The following VAV3 variants were observed in gnomAD, a reference collection of about 807,000 sequenced individuals.
VAV3 encodes the protein vav guanine nucleotide exchange factor 3.
Under a neutral mutation model 131.2 loss-of-function variants are expected in VAV3, and 94 were observed. That is an observed-to-expected ratio of 0.72 (90% CI 0.61 to 0.85). The LOEUF is 0.85. VAV3 is among the 40% of genes least tolerant of loss of function. The pLI is 0.00. For missense variants in VAV3, 939 were observed against 1,002.7 expected, an observed-to-expected ratio of 0.94 and a Z score of 0.86; for synonymous variants, 349 against 342.0, an observed-to-expected ratio of 1.02 and a Z score of -0.22.
chr1:107,928,919 C>T (rs1336337478), intron 1 of VAV3, among the ~76,000 whole-genome samples: 1 of 151,998 alleles, frequency 6.6e-6, no homozygotes, highest in Non-Finnish European at 1.5e-5. Context: ...AAACACTAAG[C>T]AGATTTAACC....
intron 1 of VAV3, among the ~76,000 whole-genome samples, chr1:107,888,324 T>C (rs1319677770): frequency 6.6e-6 from 1 of 152,160 alleles, no homozygotes; most frequent in Non-Finnish European, 1.5e-5. Context: ...AAACTGTAGC[T>C]CAGATCAGCA....
intron 2 of VAV3, among the ~76,000 whole-genome samples, chr1:107,830,134 A>G (rs1270815995): frequency 6.6e-6 from 1 of 152,208 alleles, no homozygotes; most frequent in Non-Finnish European, 1.5e-5. Flanking sequence ...ACCAGAAAAC[A>G]GGTTCTAGAA....
chr1:107,662,955 AG>A (rs1657131035), intron 19 of VAV3, among the ~76,000 whole-genome samples: 1 of 152,184 alleles, frequency 6.6e-6, no homozygotes, highest in Non-Finnish European at 1.5e-5. Context: ...GGGCTGCTCC[AG>A]GCTGGTCTTG....
In VAV3 at chr1:107,749,594, C is replaced by T. The variant is rs752210534; in HGVS notation, c.1260G>A (p.Arg420=). 4.4e-6 allele frequency: 7 copies of T among 1,607,856 alleles called. No individual in the cohort carries two copies. The highest frequency in any genetic ancestry group is 5.9e-6 in the Non-Finnish European group (7 of 1,178,356). ...CTGCCAAATCAAATAAGAAGATATG[C>T]CTGGGAAAAAGAGATTGATTGATTG... ...TTLDKHTKQE[R]HIFLFDLAVI... Residue 420 remains arginine (R), a splice_region_variant and synonymous_variant, in exon 14 of 27, where the codon AGG becomes AGA. Coordinates refer to ENST00000370056, the MANE Select transcript of VAV3 (RefSeq NM_006113.5).
intron 20 of VAV3, among the ~76,000 whole-genome samples, chr1:107,629,994 A>C (rs983277274): frequency 2.0e-5 from 3 of 152,280 alleles, no homozygotes; most frequent in African/African-American, 4.8e-5. Flanking sequence ...CTTCTCAAAA[A>C]TTTCCAAATA....
chr1:107,755,088 T>C (rs915798088), intron 12 of VAV3, among the ~76,000 whole-genome samples: 2 of 151,470 alleles, frequency 1.3e-5, no homozygotes, highest in Non-Finnish European at 2.9e-5. Context: ...ACAGCAAATA[T>C]ATGTAAAATG....
At chr1:107,799,311 CAAAA>C (rs74262708) in intron 2 of VAV3, among the ~76,000 whole-genome samples, 1 of 97,872 alleles carries the variant, frequency 1.0e-5, no homozygotes. Flanking sequence ...GTTCACCTAT[CAAAA>C]AAAAAAAAAA....
At chr1:107,893,203 C>T (rs978379882) in intron 1 of VAV3, among the ~76,000 whole-genome samples, 2 of 152,158 alleles carry the variant, frequency 1.3e-5, no homozygotes, top group Non-Finnish European at 2.9e-5. Flanking sequence ...ACTTATTTTT[C>T]AGCAAGATTA....
Position 107,703,957 on chromosome 1 carries a change from A to G in VAV3, c.1705+593T>C, listed in dbSNP as rs149583784. Among the ~76,000 whole-genome samples the G allele has an allele frequency of 1.5e-3, 228 of 152,368 alleles. 1 individual carries two copies. Among genetic ancestry groups the G allele is most frequent in the African/African-American group, 5.1e-3 (213 of 41,596 alleles). ...GCTACTGAATGCATAACTGCCAGCCATCTTAGAAACTAGCTCATGTAACAA... is the reference window on the plus strand; with the variant it reads ...GCTACTGAATGCATAACTGCCAGCCGTCTTAGAAACTAGCTCATGTAACAA... On this transcript the variant is annotated intron_variant, in intron 17 of 26. Coordinates refer to ENST00000370056, the MANE Select transcript of VAV3 (RefSeq NM_006113.5).
chr1:107,693,278 T>C (rs1385181212), intron 17 of VAV3, among the ~76,000 whole-genome samples: 1 of 152,216 alleles, frequency 6.6e-6, no homozygotes, highest in Non-Finnish European at 1.5e-5. Flanking sequence ...TTTATATCCA[T>C]GCACATCCTC....
chr1:107,945,838 G>A (rs66634100), intron 1 of VAV3, among the ~76,000 whole-genome samples: 26 of 111,822 alleles, frequency 2.3e-4, no homozygotes, highest in African/African-American at 6.5e-4. Flanking sequence ...AAAAAAAAAA[G>A]AAAGAAAGAA....
chr1:107,640,737 ATGGAG>A (rs1317669252), intron 20 of VAV3, among the ~76,000 whole-genome samples: 17 of 152,148 alleles, frequency 1.1e-4, no homozygotes, highest in Non-Finnish European at 1.8e-4. Flanking sequence ...TGAATAGGAC[ATGGAG>A]TGGTAGAAAG....
intron 2 of VAV3, among the ~76,000 whole-genome samples, chr1:107,803,526 T>C (rs930170485): frequency 2.6e-5 from 4 of 152,092 alleles, no homozygotes; most frequent in African/African-American, 7.2e-5. Flanking sequence ...TTTAGGAGCA[T>C]GTTGTTTAAT....
At chr1:107,753,997 T>C (rs901593646) in intron 12 of VAV3, among the ~76,000 whole-genome samples, 2 of 152,120 alleles carry the variant, frequency 1.3e-5, no homozygotes, top group Non-Finnish European at 1.5e-5. Flanking sequence ...ATAAATTTGA[T>C]AGGGAATAGG....
At chr1:107,917,005 A>G (rs1672654216) in intron 1 of VAV3, among the ~76,000 whole-genome samples, 1 of 152,192 alleles carries the variant, frequency 6.6e-6, no homozygotes, top group South Asian at 2.1e-4. Flanking sequence ...GACCAAACTA[A>G]GGCTAGAAAT....
intron 1 of VAV3, among the ~76,000 whole-genome samples, chr1:107,960,075 C>A (rs1311964074): frequency 6.6e-6 from 1 of 152,192 alleles, no homozygotes; most frequent in African/African-American, 2.4e-5. Context: ...TGGTAAAAGC[C>A]GCCATCATCT....
At chr1:107,604,676 C>T (rs1423071202) in intron 22 of VAV3, among the ~76,000 whole-genome samples, 5 of 152,192 alleles carry the variant, frequency 3.3e-5, no homozygotes, top group Admixed American at 3.3e-4. Flanking sequence ...TGTCCTGCAT[C>T]TTGTACTACC....
intron 17 of VAV3, among the ~76,000 whole-genome samples, chr1:107,694,619 A>C (rs185069611): frequency 7.2e-5 from 11 of 152,292 alleles, no homozygotes; most frequent in African/African-American, 2.4e-4. Flanking sequence ...ACTTTTCCAC[A>C]ATCTAGTCAA....
Position 107,571,637 on chromosome 1 carries a change from A to G in VAV3, c.*1694T>C, listed in dbSNP as rs1379572106. 6.6e-6 allele frequency: 1 copy of G among 152,660 alleles called. No individual in the cohort carries two copies. Among genetic ancestry groups the G allele is most frequent in the Non-Finnish European group, 1.5e-5 (1 of 68,048 alleles). 9.5% of individuals were successfully genotyped at this position (152,660 alleles called of 1,614,324 possible). On this transcript the variant is annotated 3_prime_UTR_variant, in exon 27 of 27. Coordinates refer to ENST00000370056, the MANE Select transcript of VAV3 (RefSeq NM_006113.5). ...TTTACAGGAAAGAATCCATTCCAAG[A>G]GTACACTTTGAGGTGTAACTTTATT...
Sources: gnomAD v4.1 joint callset for allele counts (sites outside exome capture counted in the v4.1 genomes callset) on GRCh38, gnomAD v4.1.1 for gene constraint, MANE v1.5 for transcripts, NCBI Gene and HGNC (gene_info 2026-07-23, HGNC 2026-07-21) for gene names.